TRHDE: variants seen among roughly 807,000 people sequenced by gnomAD.
TRHDE encodes thyrotropin releasing hormone degrading enzyme.
Under a neutral mutation model 125.7 loss-of-function variants are expected in TRHDE, and 72 were observed. That is an observed-to-expected ratio of 0.57 (90% CI 0.47 to 0.70). TRHDE has a LOEUF of 0.70. Among genes scored for constraint, TRHDE ranks in the 30% least tolerant of loss-of-function variants. TRHDE has a pLI of 0.00. For synonymous variants in TRHDE, 509 were observed against 509.1 expected, an observed-to-expected ratio of 1.00 and a Z score of 0.00; for missense variants, 1,110 against 1,327.1, an observed-to-expected ratio of 0.84 and a Z score of 2.54.
chr12:72,198,288 G>GGGATATATATTT (rs1229702571), intron 2 of TRHDE, among the ~76,000 whole-genome samples: 5 of 151,774 alleles, frequency 3.3e-5, no homozygotes, highest in African/African-American at 4.8e-5. Flanking sequence ...AAGTTTTGGT[G>GGGATATATATTT]GGATATATAT....
At chr12:72,342,802 T>C (rs765783336) in intron 2 of TRHDE, among the ~76,000 whole-genome samples, 4 of 152,148 alleles carry the variant, frequency 2.6e-5, no homozygotes, top group Non-Finnish European at 5.9e-5. Flanking sequence ...ATGGAGCATT[T>C]TTTTTCCCTT....
chr12:72,487,616 T>C (rs991933717), intron 5 of TRHDE, among the ~76,000 whole-genome samples: 2 of 152,142 alleles, frequency 1.3e-5, no homozygotes, highest in African/African-American at 4.8e-5. Flanking sequence ...ATATTACCAC[T>C]ATACTTACAA....
intron 15 of TRHDE, among the ~76,000 whole-genome samples, chr12:72,640,888 A>G (rs1333656364): frequency 6.6e-6 from 1 of 152,228 alleles, no homozygotes; most frequent in Non-Finnish European, 1.5e-5. Flanking sequence ...CACGTATACT[A>G]CCACTGAAAG....
At chr12:72,652,644 C>A (rs754323694) in intron 16 of TRHDE, among the ~76,000 whole-genome samples, 155 bp downstream of exon 16, 1 of 151,516 alleles carries the variant, frequency 6.6e-6, no homozygotes, top group Non-Finnish European at 1.5e-5. Context: ...ATGACTAAAG[C>A]TACTTGATTT....
At chr12:72,245,090 T>C (rs1878550639) in intron 2 of TRHDE, among the ~76,000 whole-genome samples, 1 of 152,136 alleles carries the variant, frequency 6.6e-6, no homozygotes, top group African/African-American at 2.4e-5. Flanking sequence ...TTTCTCCAGC[T>C]TATCCTATTC....
intron 3 of TRHDE, among the ~76,000 whole-genome samples, chr12:72,409,675 A>G (rs1448574758): frequency 6.6e-6 from 1 of 152,170 alleles, no homozygotes; most frequent in Non-Finnish European, 1.5e-5. Context: ...ACAATTTTGG[A>G]TTTACCTGTG....
At chr12:72,356,908 T>C (rs1870850204) in intron 2 of TRHDE, among the ~76,000 whole-genome samples, 1 of 151,506 alleles carries the variant, frequency 6.6e-6, no homozygotes, top group South Asian at 2.1e-4. Context: ...ATAATGACAT[T>C]GTGGTTACAT....
intron 15 of TRHDE, among the ~76,000 whole-genome samples, chr12:72,623,419 A>G (rs1157118434): frequency 1.3e-5 from 2 of 152,178 alleles, no homozygotes; most frequent in Non-Finnish European, 1.5e-5. Context: ...TAATTTCTCT[A>G]GAAAGCATTC....
At chr12:72,237,289 AT>A (rs1389397637) in intron 2 of TRHDE, among the ~76,000 whole-genome samples, 1 of 152,210 alleles carries the variant, frequency 6.6e-6, no homozygotes, top group Non-Finnish European at 1.5e-5. Flanking sequence ...TGACTAAAAG[AT>A]GTACAATATT....
chr12:72,343,522 A>G (rs1036105542), intron 2 of TRHDE, among the ~76,000 whole-genome samples: 3 of 151,892 alleles, frequency 2.0e-5, no homozygotes, highest in African/African-American at 7.3e-5. Flanking sequence ...AGTCCATAAC[A>G]CTCCACATTT....
chr12:72,563,736 T>C (rs983512745), intron 9 of TRHDE, among the ~76,000 whole-genome samples: 8 of 151,578 alleles, frequency 5.3e-5, no homozygotes, highest in African/African-American at 1.9e-4. Context: ...ATATTAAAAC[T>C]TAAATCATTC....
intron 12 of TRHDE, among the ~76,000 whole-genome samples, chr12:72,608,857 G>A (rs971136287): frequency 6.6e-6 from 1 of 152,168 alleles, no homozygotes; most frequent in Non-Finnish European, 1.5e-5. Flanking sequence ...AGAATATCAT[G>A]GGTGTGGTGT....
intron 6 of TRHDE, among the ~76,000 whole-genome samples, chr12:72,504,298 T>C (rs184464697): frequency 5.6e-4 from 84 of 151,042 alleles, no homozygotes; most frequent in African/African-American, 2.0e-3. Flanking sequence ...CCTTTCTCAC[T>C]AAGAAAATTT....
chr12:72,143,614 T>C (rs547038819), intron 2 of TRHDE, among the ~76,000 whole-genome samples: 1 of 152,110 alleles, frequency 6.6e-6, no homozygotes, highest in Non-Finnish European at 1.5e-5. Context: ...TTAAACGGAC[T>C]AAGTAGGCCT....
rs1477384134 is a variant in TRHDE, at chr12:72,273,593, C to A, written c.914+36C>A. On this transcript the variant is annotated intron_variant, in intron 1 of 18. Coordinates refer to ENST00000261180, the MANE Select transcript of TRHDE (RefSeq NM_013381.3). This position sits in a 1 kb window ranked among gnomAD's most constrained non-coding sequence, Gnocchi z 5.3. ...AGGCGGTGCCCCGCGCTGCCCCACC[C>A]CGGCGCGCGGCTCGAACCTCTGGGC... 2.6e-6 allele frequency: 4 copies of A among 1,540,598 alleles called. No homozygotes were observed. Among genetic ancestry groups the A allele is most frequent in the Non-Finnish European group, 3.5e-6 (4 of 1,143,280 alleles).
rs185271732 is a variant in TRHDE at position 72,193,014 on chromosome 12, T to C, written n.279+87262T>C. ...ATAAAATACTTTATCTGAAAGAAAT[T>C]ATGTTTATAAAAATTGGATAAATTT... On this transcript the variant is annotated intron_variant and non_coding_transcript_variant, in intron 2 of 4. Transcript: ENST00000548156. 2.9e-3 allele frequency among the ~76,000 whole-genome samples: 440 copies of C among 152,234 alleles called. 1 individual carries two copies. The highest frequency in any genetic ancestry group is 4.5e-3 in the Non-Finnish European group (303 of 67,986).
intron 12 of TRHDE, among the ~76,000 whole-genome samples, chr12:72,576,842 C>T (rs537787573): frequency 1.4e-4 from 22 of 152,180 alleles, no homozygotes; most frequent in African/African-American, 4.8e-4. Context: ...TTATCAACAA[C>T]GTGGAAATTG....
chr12:72,632,584 C>T (rs1873541113), intron 15 of TRHDE, among the ~76,000 whole-genome samples: 1 of 151,890 alleles, frequency 6.6e-6, no homozygotes, highest in Admixed American at 6.6e-5. Flanking sequence ...TAGACTGAGT[C>T]ATCATAGATA....
At chr12:72,537,191 A>C (rs1868906818) in intron 6 of TRHDE, among the ~76,000 whole-genome samples, 2 of 152,064 alleles carry the variant, frequency 1.3e-5, no homozygotes, top group Non-Finnish European at 2.9e-5. Flanking sequence ...TGGCCTTAGC[A>C]TGTAGTACAA....
Sources: gnomAD v4.1 joint callset for allele counts (sites outside exome capture counted in the v4.1 genomes callset) on GRCh38, gnomAD v4.1.1 for gene constraint, Gnocchi (gnomAD v3.1) non-coding constraint, MANE v1.5 for transcripts, NCBI Gene and HGNC (gene_info 2026-07-23, HGNC 2026-07-21) for gene names.